NRXN1: variants seen among roughly 807,000 people sequenced by gnomAD.
NRXN1 encodes neurexin-1.
NRXN1 carries 39 observed loss-of-function variants against 150.9 expected under a neutral mutation model. The observed-to-expected ratio is 0.26, with a 90% CI of 0.20 to 0.34. The LOEUF is 0.34. NRXN1 is among the 10% of genes least tolerant of loss of function. The pLI, the probability that NRXN1 is intolerant of heterozygous loss-of-function variation, is 1.00. For synonymous variants in NRXN1, 924 were observed against 757.0 expected, an observed-to-expected ratio of 1.22 and a Z score of -3.62; for missense variants, 1,815 against 1,949.9, an observed-to-expected ratio of 0.93 and a Z score of 1.30.
chr2:50,806,640 A>AT (rs1667550873), intron 5 of NRXN1, among the ~76,000 whole-genome samples: 1 of 152,110 alleles, frequency 6.6e-6, no homozygotes, highest in African/African-American at 2.4e-5. Context: ...ACATAAATAT[A>AT]TTTTTTAAAA....
intron 5 of NRXN1, among the ~76,000 whole-genome samples, chr2:50,854,185 T>G (rs1182787594): frequency 1.3e-5 from 2 of 152,034 alleles, no homozygotes; most frequent in South Asian, 2.1e-4. Flanking sequence ...AGCTTATTAT[T>G]TGAATAGCCA....
intron 5 of NRXN1, among the ~76,000 whole-genome samples, chr2:50,828,092 T>C (rs1388346580): frequency 7.7e-4 from 117 of 151,554 alleles, no homozygotes; most frequent in African/African-American, 2.8e-3. Flanking sequence ...GCCATTGTCA[T>C]CATGGCCCGT....
chr2:50,254,598 G>C (rs991131766), intron 17 of NRXN1, among the ~76,000 whole-genome samples: 1 of 150,380 alleles, frequency 6.6e-6, no homozygotes, highest in Non-Finnish European at 1.5e-5. Flanking sequence ...GCATCCCAAA[G>C]ATTCTGGTAC....
intron 18 of NRXN1, among the ~76,000 whole-genome samples, chr2:50,231,463 AC>A (rs2064932768): frequency 1.3e-5 from 2 of 152,118 alleles, no homozygotes; most frequent in Admixed American, 6.6e-5. Context: ...TCTAGTCTAC[AC>A]TAAAACCAAT....
intron 5 of NRXN1, among the ~76,000 whole-genome samples, chr2:50,658,686 C>T (rs1362038402): frequency 6.6e-6 from 1 of 151,890 alleles, no homozygotes; most frequent in Non-Finnish European, 1.5e-5. Context: ...CCCGCTGCCT[C>T]CTCCTGTCAT....
intron 5 of NRXN1, among the ~76,000 whole-genome samples, chr2:50,838,951 A>T (rs1314598739): frequency 6.6e-6 from 1 of 152,154 alleles, no homozygotes; most frequent in African/African-American, 2.4e-5. Flanking sequence ...CACTGAGGTG[A>T]AAAAAGGTGA....
chr2:50,196,949 T>C (rs546057808), intron 18 of NRXN1, among the ~76,000 whole-genome samples: 5 of 152,220 alleles, frequency 3.3e-5, no homozygotes, highest in South Asian at 4.2e-4. Flanking sequence ...AAAAGACAAC[T>C]GTCGGGTACT....
At chr2:50,651,689 G>A (rs1429298128) in intron 5 of NRXN1, among the ~76,000 whole-genome samples, 2 of 151,860 alleles carry the variant, frequency 1.3e-5, no homozygotes, top group African/African-American at 4.8e-5. Flanking sequence ...TTAACTTGCC[G>A]ACACACATGC....
chr2:50,899,215 C>T (rs190294892), intron 5 of NRXN1, among the ~76,000 whole-genome samples: 2 of 152,288 alleles, frequency 1.3e-5, no homozygotes, highest in East Asian at 1.9e-4. Context: ...TGCAGCAAAT[C>T]GCCACATCAA....
chr2:50,041,621 G>T (rs574269941), intron 21 of NRXN1, among the ~76,000 whole-genome samples: 9 of 152,324 alleles, frequency 5.9e-5, no homozygotes, highest in Admixed American at 2.0e-4. Flanking sequence ...CTATTTGTCT[G>T]TGGCTCACCA....
At chr2:50,578,223 T>C (rs755097446) in intron 8 of NRXN1, among the ~76,000 whole-genome samples, 1 of 152,124 alleles carries the variant, frequency 6.6e-6, no homozygotes, top group Non-Finnish European at 1.5e-5. Context: ...CTAAACAAAC[T>C]TTCAATTTCT....
At chr2:50,202,722 A>G (rs1302461036) in intron 18 of NRXN1, among the ~76,000 whole-genome samples, 1 of 152,136 alleles carries the variant, frequency 6.6e-6, no homozygotes, top group Non-Finnish European at 1.5e-5. Context: ...TATAAAGTAT[A>G]TTAGGGGAGG....
At position 50,347,568 on chromosome 2, in the gene NRXN1, A is replaced by C; in HGVS notation, c.3365-110598T>G. 1 of 1,017,870 alleles carries C rather than the reference A, an allele frequency of 9.8e-7. No individual in the cohort carries two copies. The highest frequency in any genetic ancestry group is 1.2e-6 in the Non-Finnish European group (1 of 849,454). 63.1% of individuals were successfully genotyped at this position (1,017,870 alleles called of 1,614,324 possible). A position where few individuals can be genotyped will look rare whatever the true frequency, so the allele number is the denominator to read the frequency against. Reference sequence around the variant, plus strand: ...GGCAGCGCGCGGAGCAGCGGCGCGCATCGCCTGCTCCCGAGGCAATCTCCG... The same window carrying C: ...GGCAGCGCGCGGAGCAGCGGCGCGCCTCGCCTGCTCCCGAGGCAATCTCCG... On this transcript the variant is annotated intron_variant, in intron 17 of 22. Transcript: ENST00000401669. This position sits in a 1 kb window ranked among gnomAD's most constrained non-coding sequence, Gnocchi z 4.9.
At chr2:50,443,545 G>A (rs746695356) in intron 17 of NRXN1, among the ~76,000 whole-genome samples, 1 of 152,150 alleles carries the variant, frequency 6.6e-6, no homozygotes, top group Non-Finnish European at 1.5e-5. Context: ...ACTTCACTGA[G>A]AATTAGAATT....
At chr2:50,048,225 T>C (rs774626543) in intron 21 of NRXN1, among the ~76,000 whole-genome samples, 8 of 152,160 alleles carry the variant, frequency 5.3e-5, no homozygotes, top group Admixed American at 1.3e-4. Context: ...TATTTTAAAA[T>C]ACACATCAAA....
chr2:50,643,255 G>A (rs891554532), intron 5 of NRXN1, among the ~76,000 whole-genome samples: 8 of 151,796 alleles, frequency 5.3e-5, no homozygotes, highest in African/African-American at 1.9e-4. Context: ...CTGTTTGTGT[G>A]GGCAGGCTAT....
At chr2:50,906,277 C>T (rs1363064441) in intron 5 of NRXN1, among the ~76,000 whole-genome samples, 6 of 152,056 alleles carry the variant, frequency 3.9e-5, no homozygotes, top group Admixed American at 6.6e-5. Flanking sequence ...AAGCATTTCT[C>T]TTCCTTTGAC....
At chr2:50,266,593 C>A (rs961231770) in intron 17 of NRXN1, among the ~76,000 whole-genome samples, 1 of 148,142 alleles carries the variant, frequency 6.8e-6, no homozygotes, top group African/African-American at 2.5e-5. Context: ...TCTAGAAGAA[C>A]TAAGGTAAAG....
chr2:50,114,861 G>C (rs1057208461), intron 18 of NRXN1, among the ~76,000 whole-genome samples: 1 of 151,972 alleles, frequency 6.6e-6, no homozygotes, highest in African/African-American at 2.4e-5. Context: ...ATCTAGTGGG[G>C]AGAGAGGGAT....
Sources: gnomAD v4.1 joint callset for allele counts (sites outside exome capture counted in the v4.1 genomes callset) on GRCh38, gnomAD v4.1.1 for gene constraint, Gnocchi (gnomAD v3.1) non-coding constraint, MANE v1.5 for transcripts, NCBI Gene and HGNC (gene_info 2026-07-23, HGNC 2026-07-21) for gene names.